TRIM50: variants seen among roughly 807,000 people sequenced by gnomAD.
The protein encoded by TRIM50 is E3 ubiquitin-protein ligase TRIM50.
In TRIM50, 34 loss-of-function variants were observed where a neutral mutation model predicts 44.9. That is an observed-to-expected ratio of 0.76 (90% CI 0.58 to 1.01). The LOEUF is 1.01. Among genes scored for constraint, TRIM50 ranks in the 50% least tolerant of loss-of-function variants. The probability of loss-of-function intolerance (pLI) is 0.00; values close to 1 mark genes in which losing one functional copy is unlikely to be tolerated. For missense variants in TRIM50, 633 were observed against 663.7 expected (o/e 0.95, Z 0.51); for synonymous variants, 307 against 291.1 (o/e 1.05, Z -0.56).
At chr7:73,323,322 T>C (rs13228013) in intron 2 of TRIM50, among the ~76,000 whole-genome samples, 1 of 152,202 alleles carries the variant, frequency 6.6e-6, no homozygotes, top group African/African-American at 2.4e-5. Context: ...CCCACCGATG[T>C]TCCCTCCAGC....
At chr7:73,323,534 T>C (rs1185189263) in intron 2 of TRIM50, among the ~76,000 whole-genome samples, 1 of 152,222 alleles carries the variant, frequency 6.6e-6, no homozygotes, top group Non-Finnish European at 1.5e-5. Context: ...AGGTGTTTTA[T>C]ATATATAACA....
At chr7:73,320,633 G>A (rs1456658858) in intron 2 of TRIM50, among the ~76,000 whole-genome samples, 6 of 152,100 alleles carry the variant, frequency 3.9e-5, no homozygotes, top group Admixed American at 3.3e-4. Context: ...GGGAGGTGGA[G>A]GTTGCAGTGA....
chr7:73,314,231 C>T, intron 6 of TRIM50: 1 of 331,946 alleles, frequency 3.0e-6, no homozygotes, highest in Non-Finnish European at 5.7e-6. Flanking sequence ...TGGCACTGGA[C>T]AGGACTTCCA....
rs1415292838 is a variant in TRIM50, at chr7:73,326,066, T to C, written c.-18-1261A>G. Among the ~76,000 whole-genome samples the C allele has an allele frequency of 2.6e-5, 4 of 152,102 alleles. No individual in the cohort carries two copies. The East Asian group carries it at 7.7e-4, about 29-fold the overall frequency. On this transcript the variant is annotated intron_variant, in intron 1 of 6. Coordinates refer to ENST00000333149, the MANE Select transcript of TRIM50 (RefSeq NM_178125.3). Reference sequence around the variant, plus strand: ...CCATGCCAAGCTAATATTTAAAAAATTTTTTTAGATACCGGGTCTTGCTTT... The same window carrying C: ...CCATGCCAAGCTAATATTTAAAAAACTTTTTTAGATACCGGGTCTTGCTTT...
chr7:73,315,547 G>A (rs782339125), intron 6 of TRIM50, among the ~76,000 whole-genome samples: 7 of 152,004 alleles, frequency 4.6e-5, no homozygotes, highest in Non-Finnish European at 5.9e-5. Flanking sequence ...TAGAGATGGC[G>A]TCTCACTATG....
At chr7:73,323,053 A>C (rs1338061240) in intron 2 of TRIM50, among the ~76,000 whole-genome samples, 2 of 152,034 alleles carry the variant, frequency 1.3e-5, no homozygotes, top group Non-Finnish European at 2.9e-5. Context: ...TTCTGTTTGA[A>C]ATTTGTCTTT....
At chr7:73,318,465 G>A (rs1804410153) in intron 5 of TRIM50, among the ~76,000 whole-genome samples, 1 of 152,100 alleles carries the variant, frequency 6.6e-6, no homozygotes, top group Admixed American at 6.6e-5. Context: ...AACTTCTGCT[G>A]TTCTAGGTAC....
At position 73,319,032 on chromosome 7, in the gene TRIM50, G is replaced by A. The variant is rs563685252; in HGVS notation, c.516C>T (p.Ser172=). The change falls in exon 4 of 7, where the codon AGC becomes AGT. Residue 172 remains serine (S), a synonymous_variant. Coordinates refer to ENST00000333149, the MANE Select transcript of TRIM50 (RefSeq NM_178125.3). The stretch of plus-strand genomic sequence containing the variant: ...CCTGGAACTCGCGGCGGATCACCCA[G>A]CTGAAGACATCCGACTCATTCTGGG... The part of the protein sequence containing the change: ...TRIVNESDVF[S]WVIRREFQEL... 4.0e-5 allele frequency: 64 copies of A among 1,614,004 alleles called. 2 individuals are homozygous for A. The South Asian group carries it at 6.4e-4, about 16-fold the overall frequency.
chr7:73,322,666 C>T (rs1804524058), intron 2 of TRIM50, among the ~76,000 whole-genome samples: 1 of 152,230 alleles, frequency 6.6e-6, no homozygotes, highest in South Asian at 2.1e-4. Context: ...GCTGGTGTTC[C>T]CGCTCTGAGG....
rs1221088108 is a variant in TRIM50, at chr7:73,312,720, C to T, written c.*201G>A. The stretch of plus-strand genomic sequence containing the variant: ...GTCCCTGGCTGCCAAGGCCTGGGGG[C>T]CGAAGTTTACAAATACACCCTTGGC... On this transcript the variant is annotated 3_prime_UTR_variant, in exon 7 of 7. Transcript: ENST00000333149. The T allele has an allele frequency of 9.4e-5, 52 of 553,348 alleles. No individual in the cohort carries two copies. The Admixed American group carries it at 1.3e-3, about 14-fold the overall frequency. The allele number at this position is 553,348 out of a possible 1,614,324, so 34.3% of individuals were successfully genotyped here. A position where few individuals can be genotyped will look rare whatever the true frequency, so the allele number is the denominator to read the frequency against.
rs782789916 is a variant in TRIM50, at chr7:73,313,177, A to AC, written c.1207dup (p.Val403GlyfsTer19). 2.5e-6 allele frequency: 4 copies of AC among 1,588,164 alleles called. No individual in the cohort carries two copies. Among genetic ancestry groups the AC allele is most frequent in the East Asian group, 4.6e-5 (2 of 43,822 alleles). On this transcript the variant is annotated frameshift_variant, in exon 7 of 7. Transcript: ENST00000333149. LOFTEE classifies it high-confidence loss of function. This position sits in a 1 kb window ranked among gnomAD's most constrained non-coding sequence, Gnocchi z 4.9. ...GGGGTGGCCGGCCACGGGCAGGGGT[A>AC]CCCGGGGGCAGGCAAAGGCTTCGTA...
At chr7:73,321,742 A>G (rs1222790062) in intron 2 of TRIM50, among the ~76,000 whole-genome samples, 1 of 152,186 alleles carries the variant, frequency 6.6e-6, no homozygotes, top group East Asian at 1.9e-4. Flanking sequence ...AGGGGCTTTC[A>G]GGAAGGGAGT....
intron 2 of TRIM50, among the ~76,000 whole-genome samples, chr7:73,323,568 C>T (rs1340121573): frequency 4.6e-5 from 7 of 152,286 alleles, no homozygotes; most frequent in Non-Finnish European, 8.8e-5. Context: ...TATTATTACT[C>T]GTCTTAAAGA....
intron 1 of TRIM50, among the ~76,000 whole-genome samples, chr7:73,326,368 G>A (rs1554546071): frequency 6.7e-6 from 1 of 150,350 alleles, no homozygotes; most frequent in Non-Finnish European, 1.5e-5. Context: ...CTCCCAAAGT[G>A]CTGGGATTAT....
At chr7:73,324,269 G>C in intron 2 of TRIM50, 120 bp downstream of exon 2, 2 of 1,539,744 alleles carry the variant, frequency 1.3e-6, no homozygotes, top group South Asian at 2.4e-5. Context: ...ATGCGCCAGG[G>C]CACAGCTGCA....
intron 1 of TRIM50, among the ~76,000 whole-genome samples, chr7:73,326,745 G>A (rs1344550116): frequency 1.3e-5 from 2 of 151,322 alleles, no homozygotes; most frequent in Admixed American, 6.6e-5. Flanking sequence ...TTTTTTTAAT[G>A]TGAAGTCTTT....
In TRIM50 at chr7:73,320,273, A is replaced by C. The variant is rs1405134903; in HGVS notation, c.400-31T>G. 3 of 1,613,980 alleles carry C rather than the reference A, an allele frequency of 1.9e-6. No individual in the cohort carries two copies. The South Asian group carries it at 3.3e-5, about 18-fold the overall frequency. Reference sequence around the variant, plus strand: ...GGCAACAGGCCATGGCCCCATGAGCAGCTGATCCCTCCCCTTCTCAGCTCC... The same window carrying C: ...GGCAACAGGCCATGGCCCCATGAGCCGCTGATCCCTCCCCTTCTCAGCTCC... On this transcript the variant is annotated intron_variant, in intron 2 of 6. Transcript: ENST00000333149.
At chr7:73,314,287 C>A in intron 6 of TRIM50, 2 of 326,818 alleles carry the variant, frequency 6.1e-6, no homozygotes, top group South Asian at 3.1e-5. Context: ...CCTGCTCGGT[C>A]AGGGTGCAGT....
rs144412003 is a variant in TRIM50, at chr7:73,319,019, G to A, written c.529C>T (p.Arg177Cys). The A allele has an allele frequency of 2.1e-4, 332 of 1,613,978 alleles. 2 individuals are homozygous for A. The highest frequency in any genetic ancestry group is 2.0e-3 in the South Asian group (183 of 91,076). Residue 177 changes from arginine to cysteine, a missense_variant, in exon 4 of 7, where the codon CGC becomes TGC. Arg to Cys is a radical substitution (Grantham distance 180). Coordinates refer to ENST00000333149, the MANE Select transcript of TRIM50 (RefSeq NM_178125.3). Reference sequence around the variant, plus strand: ...AGGTGGTGCAGCTCCTGGAACTCGCGGCGGATCACCCAGCTGAAGACATCC... The same window carrying A: ...AGGTGGTGCAGCTCCTGGAACTCGCAGCGGATCACCCAGCTGAAGACATCC... The part of the protein sequence containing the change: ...ESDVFSWVIR[R>C]EFQELHHLVD...
Sources: gnomAD v4.1 joint callset for allele counts (sites outside exome capture counted in the v4.1 genomes callset) on GRCh38, gnomAD v4.1.1 for gene constraint, Gnocchi (gnomAD v3.1) non-coding constraint, MANE v1.5 for transcripts, NCBI Gene and HGNC (gene_info 2026-07-23, HGNC 2026-07-21) for gene names.